Variants in PDGFD observed in about 807,000 individuals in gnomAD.
The protein encoded by PDGFD is platelet-derived growth factor D.
PDGFD carries 30 observed loss-of-function variants against 44.7 expected under a neutral mutation model. The observed-to-expected ratio is 0.67, with a 90% CI of 0.50 to 0.91. The LOEUF is 0.91. Among genes scored for constraint, PDGFD ranks in the 40% least tolerant of loss-of-function variants. The pLI, the probability that PDGFD is intolerant of heterozygous loss-of-function variation, is 0.00. For synonymous variants in PDGFD, 173 were observed against 168.4 expected, an observed-to-expected ratio of 1.03 and a Z score of -0.21; for missense variants, 445 against 457.8, an observed-to-expected ratio of 0.97 and a Z score of 0.25.
At chr11:104,096,551 CAG>C (rs1387635779) in intron 1 of PDGFD, among the ~76,000 whole-genome samples, 13 of 152,164 alleles carry the variant, frequency 8.5e-5, no homozygotes, top group Non-Finnish European at 1.0e-4. Flanking sequence ...ACAAGGCACT[CAG>C]AGTGACAGAG....
intron 3 of PDGFD, among the ~76,000 whole-genome samples, chr11:103,961,084 A>G (rs931237331): frequency 1.3e-5 from 2 of 152,154 alleles, no homozygotes; most frequent in Non-Finnish European, 2.9e-5. Context: ...TCTCTCCATT[A>G]GGGTGTAAGC....
intron 1 of PDGFD, chr11:104,038,210 G>A (rs954129001): frequency 6.7e-6 from 4 of 601,260 alleles, no homozygotes; most frequent in Non-Finnish European, 1.2e-5. Context: ...CCCTTGTCCA[G>A]AGATCACTGA....
chr11:104,069,304 C>G (rs1860839887), intron 1 of PDGFD, among the ~76,000 whole-genome samples: 1 of 152,156 alleles, frequency 6.6e-6, no homozygotes. Flanking sequence ...CACAGAAGTA[C>G]TGTTGTGTGC....
rs573310899 is a variant in PDGFD at position 104,075,331 on chromosome 11, C to T, written c.125-75076G>A. ...TGGCTGTATAAGCAGAAGCCTTTGG[C>T]AAAATACAGGAAGTATATTTGAATT... is the stretch of plus-strand genomic sequence containing the variant. On this transcript the variant is annotated intron_variant, in intron 1 of 6. Coordinates refer to ENST00000393158, the MANE Select transcript of PDGFD (RefSeq NM_025208.5). Among the ~76,000 whole-genome samples, 372 of 150,934 alleles carry T rather than the reference C, an allele frequency of 2.5e-3. 5 individuals are homozygous for T. Among genetic ancestry groups the T allele is most frequent in the African/African-American group, 8.7e-3 (357 of 41,128 alleles).
intron 1 of PDGFD, among the ~76,000 whole-genome samples, chr11:104,095,620 G>GAGAA (rs35038161): frequency 0.77 from 116,051 of 151,576 alleles, 44,550 homozygotes; most frequent in East Asian, 0.98. Flanking sequence ...GGAAAGGAAA[G>GAGAA]AGACTTATTT....
chr11:104,153,322 C>T (rs571211900), intron 1 of PDGFD, among the ~76,000 whole-genome samples: 3 of 152,310 alleles, frequency 2.0e-5, no homozygotes, highest in East Asian at 3.9e-4. Flanking sequence ...CATCAGACCT[C>T]ATTGAGCTTC....
intron 1 of PDGFD, among the ~76,000 whole-genome samples, chr11:104,064,950 C>G (rs1261028542): frequency 6.6e-6 from 1 of 152,094 alleles, no homozygotes; most frequent in Non-Finnish European, 1.5e-5. Flanking sequence ...AGGGTGTTGC[C>G]AAAGGAGATT....
chr11:104,149,806 C>T (rs1207865741), intron 1 of PDGFD, among the ~76,000 whole-genome samples: 1 of 152,130 alleles, frequency 6.6e-6, no homozygotes, highest in African/African-American at 2.4e-5. Context: ...AGAGAAAACC[C>T]ATAAACTTCA....
intron 1 of PDGFD, among the ~76,000 whole-genome samples, chr11:104,139,873 T>TAAAAAAAAAA (rs1193661913): frequency 1.0e-4 from 2 of 19,854 alleles, no homozygotes; most frequent in Non-Finnish European, 1.7e-4. Context: ...CCGTCTCTAC[T>TAAAAAAAAAA]AAAAAAAAAA....
At chr11:104,087,793 A>C (rs1861154798) in intron 1 of PDGFD, among the ~76,000 whole-genome samples, 1 of 152,190 alleles carries the variant, frequency 6.6e-6, no homozygotes. Flanking sequence ...TGCCGCAAGC[A>C]GATAAGTGTT....
intron 1 of PDGFD, among the ~76,000 whole-genome samples, chr11:104,007,261 C>G (rs1389197848): frequency 6.6e-6 from 1 of 152,156 alleles, no homozygotes; most frequent in Non-Finnish European, 1.5e-5. Context: ...ATGACTAGAG[C>G]AAGAGGCTAC....
rs536709469 is a variant in PDGFD, at chr11:104,010,220, A to G, written c.125-9965T>C. On this transcript the variant is annotated intron_variant, in intron 1 of 6. Coordinates refer to ENST00000393158, the MANE Select transcript of PDGFD (RefSeq NM_025208.5). ...TTTAAACATTAGAGCTCTTTTTGGC[A>G]CAAACAAAGATGTTAATGTTACATA... is the stretch of plus-strand genomic sequence containing the variant. Among the ~76,000 whole-genome samples the G allele has an allele frequency of 9.9e-5, 15 of 151,676 alleles. No individual in the cohort carries two copies. The South Asian group carries it at 2.9e-3, about 29-fold the overall frequency.
chr11:104,163,423 C>G (rs1862416839), intron 1 of PDGFD, among the ~76,000 whole-genome samples: 1 of 152,110 alleles, frequency 6.6e-6, no homozygotes, highest in Non-Finnish European at 1.5e-5. Context: ...CTCTTGACTC[C>G]TTCCACCTAT....
chr11:104,071,133 A>T (rs1860868973), intron 1 of PDGFD, among the ~76,000 whole-genome samples: 1 of 151,928 alleles, frequency 6.6e-6, no homozygotes, highest in Admixed American at 6.6e-5. Context: ...CCACTTACAT[A>T]AATTTTAAGT....
chr11:103,972,186 A>G (rs1382878076), intron 3 of PDGFD, among the ~76,000 whole-genome samples: 2 of 152,184 alleles, frequency 1.3e-5, no homozygotes, highest in Non-Finnish European at 2.9e-5. Context: ...TTCGGGTTGA[A>G]TAAGTATTTG....
At chr11:103,998,952 C>A (rs1176246191) in intron 2 of PDGFD, among the ~76,000 whole-genome samples, 4 of 152,098 alleles carry the variant, frequency 2.6e-5, no homozygotes, top group Non-Finnish European at 5.9e-5. Flanking sequence ...TTAATAGCGT[C>A]TTTTTCCCAT....
intron 1 of PDGFD, among the ~76,000 whole-genome samples, chr11:104,054,551 G>T (rs1270640594): frequency 6.6e-6 from 1 of 152,170 alleles, no homozygotes; most frequent in East Asian, 1.9e-4. Flanking sequence ...TGGGTGATGA[G>T]ATACCATTTT....
At chr11:104,055,065 C>T (rs77814208) in intron 1 of PDGFD, among the ~76,000 whole-genome samples, 7,700 of 152,242 alleles carry the variant, frequency 0.051, 645 homozygotes, top group African/African-American at 0.17. Flanking sequence ...TTGGTTCCTA[C>T]CAATGGCTTT....
intron 1 of PDGFD, among the ~76,000 whole-genome samples, chr11:104,027,423 T>G (rs1464263608): frequency 6.6e-6 from 1 of 152,236 alleles, no homozygotes; most frequent in Non-Finnish European, 1.5e-5. Context: ...ATGACATACT[T>G]TGGTAGAGTG....
Sources: allele counts gnomAD v4.1 joint callset (sites outside exome capture counted in the v4.1 genomes callset), GRCh38; gene constraint gnomAD v4.1.1; transcripts MANE v1.5; gene names NCBI Gene and HGNC (gene_info 2026-07-23, HGNC 2026-07-21).